VPS13C: variants seen among roughly 807,000 people sequenced by gnomAD.
VPS13C encodes the protein vacuolar protein sorting 13 homolog C.
Under a neutral mutation model 456.8 loss-of-function variants are expected in VPS13C, and 358 were observed. The observed-to-expected ratio is 0.78, with a 90% CI of 0.72 to 0.86. The LOEUF is 0.86. VPS13C is among the 40% of genes least tolerant of loss of function. The pLI, the probability that VPS13C is intolerant of heterozygous loss-of-function variation, is 0.00. For missense variants in VPS13C, 4,818 were observed against 4,385.4 expected (o/e 1.10, Z -2.79); for synonymous variants, 1,578 against 1,486.7 (o/e 1.06, Z -1.41).
intron 51 of VPS13C, among the ~76,000 whole-genome samples, chr15:61,928,105 A>G (rs971195900): frequency 5.3e-5 from 8 of 152,016 alleles, no homozygotes; most frequent in Non-Finnish European, 4.4e-5. Context: ...TGACGAGTTA[A>G]TGGGTACAGC....
chr15:62,007,807 TGTTAA>T (rs1387556714), intron 14 of VPS13C, among the ~76,000 whole-genome samples: 8 of 152,134 alleles, frequency 5.3e-5, no homozygotes, highest in African/African-American at 1.2e-4. Flanking sequence ...ATGTCTTGAA[TGTTAA>T]GTTAAGAATT....
At position 61,951,922 on chromosome 15, in the gene VPS13C, T is replaced by C; in HGVS notation, c.4358A>G (p.Asn1453Ser). 2.5e-6 allele frequency: 4 copies of C among 1,613,908 alleles called. No individual in the cohort carries two copies. Among genetic ancestry groups the C allele is most frequent in the Non-Finnish European group, 3.4e-6 (4 of 1,179,888 alleles). The change falls in exon 39 of 85, where the codon AAT becomes AGT. Residue 1453 changes from asparagine (N) to serine (S), a missense_variant. This residue lies in a region of VPS13C where 4,552 missense variants were observed against 4,130.6 expected (regional missense o/e 1.10). Coordinates refer to ENST00000644861, the MANE Select transcript of VPS13C (RefSeq NM_020821.3). ...EKKGRPLHEL[N>S]VLQLGMEAKV... ...AGCTTCCATTCCAAGTTGCAGGACATTTAGCTCATGTAAAGGCCTTCCTTT... is the reference window on the plus strand; with the variant it reads ...AGCTTCCATTCCAAGTTGCAGGACACTTAGCTCATGTAAAGGCCTTCCTTT...
intron 16 of VPS13C, among the ~76,000 whole-genome samples, chr15:61,997,525 A>G (rs2140444055): frequency 6.6e-6 from 1 of 152,260 alleles, no homozygotes; most frequent in East Asian, 1.9e-4. Context: ...AGATAGCTAA[A>G]ACTTAATAGG....
chr15:61,954,366 C>G (rs1364697773), intron 38 of VPS13C, 55 bp downstream of exon 38: 2 of 1,557,260 alleles, frequency 1.3e-6, no homozygotes, highest in African/African-American at 2.8e-5. Flanking sequence ...AGAGGTAATT[C>G]CAATATCCAT....
At chr15:61,940,086 AC>A (rs2044367728) in intron 47 of VPS13C, among the ~76,000 whole-genome samples, 1 of 152,170 alleles carries the variant, frequency 6.6e-6, no homozygotes, top group South Asian at 2.1e-4. Context: ...GCCTCTACAA[AC>A]TACACTATTA....
At chr15:61,960,379 G>T (rs2045154263) in intron 35 of VPS13C, among the ~76,000 whole-genome samples, 1 of 152,174 alleles carries the variant, frequency 6.6e-6, no homozygotes, top group Non-Finnish European at 1.5e-5. Context: ...TATACGCTAT[G>T]GGTGATCCTG....
intron 16 of VPS13C, among the ~76,000 whole-genome samples, chr15:61,997,682 A>C (rs2046435448): frequency 6.6e-6 from 1 of 152,050 alleles, no homozygotes; most frequent in Admixed American, 6.6e-5. Flanking sequence ...CCTACAACTC[A>C]CATCTAGTCA....
chr15:62,002,852 G>A (rs2046680737), intron 15 of VPS13C, among the ~76,000 whole-genome samples: 1 of 152,126 alleles, frequency 6.6e-6, no homozygotes, highest in South Asian at 2.1e-4. Flanking sequence ...TTATTTCTGA[G>A]GGCTCTGTTC....
At chr15:62,006,953 C>T (rs2046870763) in intron 15 of VPS13C, among the ~76,000 whole-genome samples, 2 of 151,994 alleles carry the variant, frequency 1.3e-5, no homozygotes, top group Non-Finnish European at 2.9e-5. Context: ...TTTTGAAAAG[C>T]CACTACCGTA....
intron 8 of VPS13C, among the ~76,000 whole-genome samples, chr15:62,022,679 A>G (rs1354333309): frequency 6.6e-6 from 1 of 151,986 alleles, no homozygotes; most frequent in Non-Finnish European, 1.5e-5. Context: ...TACAAATGTC[A>G]GTATTGCTTT....
intron 66 of VPS13C, among the ~76,000 whole-genome samples, chr15:61,896,730 C>T (rs1212226842): frequency 6.6e-6 from 1 of 152,198 alleles, no homozygotes; most frequent in South Asian, 2.1e-4. Flanking sequence ...CTGGGAAGCT[C>T]GAACTGGGTG....
At chr15:61,872,152 G>T (rs370453861) in intron 78 of VPS13C, 118 bp from the exon 79 acceptor site, 1 of 736,502 alleles carries the variant, frequency 1.4e-6, no homozygotes, top group Non-Finnish European at 2.2e-6. Flanking sequence ...AAAAATTGAA[G>T]ACTTAACTTG....
intron 15 of VPS13C, among the ~76,000 whole-genome samples, chr15:62,005,942 G>T (rs943164305): frequency 6.6e-6 from 1 of 151,428 alleles, no homozygotes; most frequent in Non-Finnish European, 1.5e-5. Context: ...GACCTCAGGT[G>T]ATCCGCCCGC....
intron 1 of VPS13C, among the ~76,000 whole-genome samples, chr15:62,055,372 C>T (rs1482417526): frequency 2.6e-5 from 4 of 151,304 alleles, no homozygotes; most frequent in East Asian, 1.9e-4. Flanking sequence ...GGACTACAGG[C>T]GCCTGCCCCC....
intron 66 of VPS13C, among the ~76,000 whole-genome samples, chr15:61,893,179 T>TA (rs2042702299): frequency 6.6e-6 from 1 of 152,044 alleles, no homozygotes; most frequent in South Asian, 2.1e-4. Flanking sequence ...CTAAGGCATA[T>TA]AATAATCAAA....
chr15:62,044,807 T>C (rs984114119), intron 1 of VPS13C, among the ~76,000 whole-genome samples: 4 of 152,168 alleles, frequency 2.6e-5, no homozygotes, highest in African/African-American at 9.6e-5. Context: ...TACTATTACA[T>C]GACTCAAATC....
chr15:61,914,855 C>T (rs868174177), intron 61 of VPS13C, among the ~76,000 whole-genome samples: 5 of 128,970 alleles, frequency 3.9e-5, no homozygotes, highest in South Asian at 2.5e-4. Context: ...CATAAGCCAC[C>T]GAGCCTGGCC....
In VPS13C at chr15:62,009,914, G is replaced by A. The variant is rs1462076019; in HGVS notation, c.1011+558C>T. On this transcript the variant is annotated intron_variant, in intron 13 of 84. Coordinates refer to ENST00000644861, the MANE Select transcript of VPS13C (RefSeq NM_020821.3). ...AAAATCTTCCATCAACAGGCCAGGC[G>A]CGGTAGCTCACGCCTGTAATCCCAG... 6.6e-5 allele frequency among the ~76,000 whole-genome samples: 10 copies of A among 152,212 alleles called. No individual in the cohort carries two copies. In the East Asian group the frequency reaches 9.7e-4, roughly 15 times the overall value.
chr15:61,872,673 A>T (rs185716693), intron 78 of VPS13C, among the ~76,000 whole-genome samples: 107 of 152,200 alleles, frequency 7.0e-4, no homozygotes, highest in African/African-American at 2.3e-3. Flanking sequence ...ACAGAAAGAG[A>T]ACTGATGGAT....
Sources: gnomAD v4.1 joint callset for allele counts (sites outside exome capture counted in the v4.1 genomes callset) on GRCh38, gnomAD v4.1.1 for gene constraint, gnomAD v4.1.1 regional missense constraint, MANE v1.5 for transcripts, NCBI Gene and HGNC (gene_info 2026-07-23, HGNC 2026-07-21) for gene names.